Variants in CACNA1C observed in about 807,000 individuals in gnomAD.
CACNA1C encodes voltage-dependent L-type calcium channel subunit alpha-1C.
A neutral mutation model predicts 229.0 loss-of-function variants in CACNA1C; 30 were observed. That is an observed-to-expected ratio of 0.13 (90% confidence interval 0.10 to 0.18). CACNA1C has a LOEUF of 0.18. Among genes scored for constraint, CACNA1C ranks in the 10% least tolerant of loss-of-function variants. The pLI is 1.00. For missense variants in CACNA1C, 1,658 were observed against 2,845.0 expected (o/e 0.58, Z 9.49); for synonymous variants, 1,114 against 1,132.5 (o/e 0.98, Z 0.33).
Position 2,137,563 on chromosome 12 carries a change from C to A in CACNA1C, c.477+17133C>A, listed in dbSNP as rs183893576. Among the ~76,000 whole-genome samples, 31 of 151,220 alleles carry A rather than the reference C, an allele frequency of 2.0e-4. 3 individuals carry two copies. The highest frequency in any genetic ancestry group is 1.1e-3 in the South Asian group (5 of 4,744). ...ATTACACCAGGGTGATGGGGCGAGA[C>A]CCCATGTTTATTTTTTAAAATGCTC... On this transcript the variant is annotated intron_variant, in intron 3 of 46. Coordinates refer to ENST00000399655, the MANE Select transcript of CACNA1C (RefSeq NM_000719.7).
At chr12:2,554,654 C>T (rs942417908) in intron 10 of CACNA1C, among the ~76,000 whole-genome samples, 1 of 152,200 alleles carries the variant, frequency 6.6e-6, no homozygotes, top group Non-Finnish European at 1.5e-5. Context: ...CCTCTCACTG[C>T]AGGAGCACCT....
At position 2,677,220 on chromosome 12, in the gene CACNA1C, A is replaced by G; in HGVS notation, c.4955A>G (p.Gln1652Arg). 6.2e-7 allele frequency: 1 copy of G among 1,613,494 alleles called. No homozygotes were observed. The highest frequency in any genetic ancestry group is 2.2e-5 in the East Asian group (1 of 44,876). Residue 1652 changes from glutamine (Q) to arginine (R), a missense_variant and splice_region_variant, in exon 40 of 47, where the codon CAG becomes CGG. Gln to Arg is a conservative substitution (Grantham distance 43). This residue lies in a region of CACNA1C where 590 missense variants were observed against 700.8 expected (regional missense o/e 0.84). Transcript: ENST00000399655. This position sits in a 1 kb window ranked among gnomAD's most constrained non-coding sequence, Gnocchi z 7.4. ...KPSQRNALSL[Q>R]AGLRTLHDIG... ...TCCCAGAGGAACGCGCTGTCTCTGC[A>G]GGTGAGGGCCTGGGGGCGGGCCCAC...
At position 2,602,480 on chromosome 12, in the gene CACNA1C, GATGTGTGTTTGTGGCTGTGTGT is replaced by G. The variant is rs1182348230; in HGVS notation, c.2960+529_2960+550del. 4.0e-5 allele frequency among the ~76,000 whole-genome samples: 6 copies of G among 151,894 alleles called. No homozygotes were observed. The highest frequency in any genetic ancestry group is 5.9e-5 in the Non-Finnish European group (4 of 67,950). On this transcript the variant is annotated intron_variant, in intron 22 of 46. Transcript: ENST00000399655. The surrounding 1 kb of genome is among the most constrained non-coding windows in gnomAD (Gnocchi z 4.4). ...GATGTGTGGGGTGTGTGTATATGTGGATGTGTGTTTGTGGCTGTGTGTATGTGTGTGTATGTATGTGTTTGTG... is the reference window on the plus strand; with the variant it reads ...GATGTGTGGGGTGTGTGTATATGTGGATGTGTGTGTATGTATGTGTTTGTG...
intron 1 of CACNA1C, among the ~76,000 whole-genome samples, chr12:2,016,548 G>C (rs1031983325): frequency 3.3e-5 from 5 of 152,108 alleles, no homozygotes; most frequent in African/African-American, 1.2e-4. Flanking sequence ...TCCTGCCTCA[G>C]CCTCTCGAGT....
chr12:2,125,278 A>ACT (rs2089521162), intron 3 of CACNA1C, among the ~76,000 whole-genome samples: 1 of 53,946 alleles, frequency 1.9e-5, no homozygotes, highest in South Asian at 4.6e-4. Context: ...GATTGGCCTG[A>ACT]CTGAGAAGAG....
chr12:2,263,756 G>C (rs1486885444), intron 3 of CACNA1C, among the ~76,000 whole-genome samples: 1 of 152,096 alleles, frequency 6.6e-6, no homozygotes, highest in East Asian at 1.9e-4. Flanking sequence ...TGAGTGAATG[G>C]AAGGCTGGAG....
intron 3 of CACNA1C, among the ~76,000 whole-genome samples, chr12:2,339,951 A>AT (rs1370152287): frequency 6.7e-6 from 1 of 149,968 alleles, no homozygotes; most frequent in Non-Finnish European, 1.5e-5. Flanking sequence ...ATGGAAATAT[A>AT]TTTTTTTAAA....
intron 1 of CACNA1C, chr12:1,992,925 C>G (rs2039816811): frequency 1.7e-6 from 1 of 574,576 alleles, no homozygotes; most frequent in Non-Finnish European, 3.1e-6. Context: ...CAGGGAGCCA[C>G]CTATGTGTGT....
intron 30 of CACNA1C, among the ~76,000 whole-genome samples, chr12:2,636,382 AC>A (rs1166359493): frequency 1.3e-5 from 2 of 152,246 alleles, no homozygotes; most frequent in African/African-American, 4.8e-5. Flanking sequence ...AGAAAAAACA[AC>A]AAAAAAGCAT....
intron 1 of CACNA1C, among the ~76,000 whole-genome samples, chr12:2,030,040 C>G (rs2047970340): frequency 6.6e-6 from 1 of 152,210 alleles, no homozygotes; most frequent in Admixed American, 6.5e-5. Context: ...GTCACAACCT[C>G]AAGCCTGACA....
chr12:2,076,125 G>A (rs566241043), intron 1 of CACNA1C, among the ~76,000 whole-genome samples: 1 of 152,212 alleles, frequency 6.6e-6, no homozygotes, highest in East Asian at 1.9e-4. Context: ...AACAAGACTC[G>A]CCTGGATCTG....
chr12:2,007,203 T>A (rs2159095), intron 1 of CACNA1C, among the ~76,000 whole-genome samples: 76,983 of 152,084 alleles, frequency 0.51, 19,925 homozygotes, highest in African/African-American at 0.61. Flanking sequence ...TGCATTTCCC[T>A]CGTACATATA....
chr12:2,429,855 A>T (rs2099066199), intron 3 of CACNA1C, among the ~76,000 whole-genome samples: 1 of 152,210 alleles, frequency 6.6e-6, no homozygotes, highest in Non-Finnish European at 1.5e-5. Context: ...TCATGAGTTC[A>T]GGCCAATTGT....
chr12:2,592,185 A>G (rs2065697895), intron 18 of CACNA1C, among the ~76,000 whole-genome samples: 1 of 152,232 alleles, frequency 6.6e-6, no homozygotes, highest in African/African-American at 2.4e-5. Flanking sequence ...AATAGGTGGT[A>G]AGGATCTGAC....
chr12:2,045,743 G>T (rs149032025), intron 1 of CACNA1C, among the ~76,000 whole-genome samples: 1 of 152,194 alleles, frequency 6.6e-6, no homozygotes, highest in East Asian at 1.9e-4. Context: ...ATTCCTGTAG[G>T]TTAGGGTAGC....
chr12:2,665,113 C>A lies in CACNA1C; in HGVS notation c.4398+123C>A. On this transcript the variant is annotated intron_variant, in intron 35 of 46. Transcript: ENST00000399655. The surrounding 1 kb of genome is among the most constrained non-coding windows in gnomAD (Gnocchi z 5.9). ...TATCAGAGGAGCTGGCTTGGGAAGA[C>A]TAAGTTGGCAGGAGTGTCCAGCCAC... 9.7e-7 allele frequency: 1 copy of A among 1,026,628 alleles called. No homozygotes were observed. Among genetic ancestry groups the A allele is most frequent in the Non-Finnish European group, 1.4e-6 (1 of 695,510 alleles). 63.6% of individuals were successfully genotyped at this position (1,026,628 alleles called of 1,614,324 possible).
intron 21 of CACNA1C, among the ~76,000 whole-genome samples, chr12:2,598,231 G>A (rs1474916315): frequency 6.6e-6 from 1 of 152,206 alleles, no homozygotes; most frequent in African/African-American, 2.4e-5. Flanking sequence ...AGGAACCTGA[G>A]CACCCAGCCC....
At chr12:2,230,416 G>A (rs953235963) in intron 3 of CACNA1C, among the ~76,000 whole-genome samples, 4 of 152,234 alleles carry the variant, frequency 2.6e-5, no homozygotes, top group African/African-American at 9.6e-5. Context: ...TGGAAGCACA[G>A]TCAGCCCTCT....
chr12:2,533,519 G>A (rs1290667469), intron 9 of CACNA1C, among the ~76,000 whole-genome samples: 14 of 152,206 alleles, frequency 9.2e-5, no homozygotes, highest in Admixed American at 9.2e-4. Flanking sequence ...GGGTGCTTCC[G>A]ATGCCTCCAG....
Sources: gnomAD v4.1 joint callset for allele counts (sites outside exome capture counted in the v4.1 genomes callset) on GRCh38, gnomAD v4.1.1 for gene constraint, gnomAD v4.1.1 regional missense constraint, Gnocchi (gnomAD v3.1) non-coding constraint, MANE v1.5 for transcripts, NCBI Gene and HGNC (gene_info 2026-07-23, HGNC 2026-07-21) for gene names.